The following DPP10 variants were observed in gnomAD, a reference collection of about 807,000 sequenced individuals.
DPP10 encodes the protein inactive dipeptidyl peptidase 10.
In DPP10, 33 loss-of-function variants were observed where a neutral mutation model predicts 120.9. The ratio of observed to expected loss-of-function variants is 0.27; its 90% confidence interval spans 0.21 to 0.37. DPP10 has a LOEUF of 0.37. DPP10 is among the 10% of genes least tolerant of loss of function. DPP10 has a pLI of 1.00. For synonymous variants in DPP10, 337 were observed against 326.1 expected, an observed-to-expected ratio of 1.03 and a Z score of -0.36; for missense variants, 816 against 942.8, an observed-to-expected ratio of 0.87 and a Z score of 1.76.
At chr2:115,117,452 T>C (rs2049575282) in intron 1 of DPP10, among the ~76,000 whole-genome samples, 1 of 149,922 alleles carries the variant, frequency 6.7e-6, no homozygotes, top group South Asian at 2.1e-4. Flanking sequence ...CTTCAAAATG[T>C]ATCTATTTAG....
chr2:114,874,927 G>T (rs1376885925), intron 1 of DPP10, among the ~76,000 whole-genome samples: 1 of 152,116 alleles, frequency 6.6e-6, no homozygotes, highest in Non-Finnish European at 1.5e-5. Flanking sequence ...CTAGAGAGAA[G>T]GCAAGTGGTT....
intron 1 of DPP10, among the ~76,000 whole-genome samples, chr2:114,930,379 C>T (rs4849358): frequency 0.16 from 24,898 of 152,168 alleles, 2,185 homozygotes; most frequent in Admixed American, 0.23. Context: ...AGCCATGTCA[C>T]TTCTTGAAGG....
chr2:115,195,288 ATGT>A (rs1315578918), intron 1 of DPP10, among the ~76,000 whole-genome samples: 1 of 152,084 alleles, frequency 6.6e-6, no homozygotes, highest in African/African-American at 2.4e-5. Context: ...TTAGGAGTAA[ATGT>A]TGTTTATGTT....
chr2:114,480,698 G>C (rs1425116100), intron 1 of DPP10, among the ~76,000 whole-genome samples: 6 of 130,064 alleles, frequency 4.6e-5, no homozygotes, highest in Non-Finnish European at 9.7e-5. Flanking sequence ...CACACACCGG[G>C]GACTGTTGTG....
chr2:114,651,171 T>G (rs544926412), intron 1 of DPP10, among the ~76,000 whole-genome samples: 1 of 152,146 alleles, frequency 6.6e-6, no homozygotes, highest in Non-Finnish European at 1.5e-5. Flanking sequence ...TCAGGAGTAA[T>G]AGGTTTTATT....
At chr2:115,628,649 G>T (rs1211253117) in intron 5 of DPP10, among the ~76,000 whole-genome samples, 2 of 151,718 alleles carry the variant, frequency 1.3e-5, no homozygotes, top group African/African-American at 2.4e-5. Flanking sequence ...TCACAGTTTT[G>T]GGCTATACCT....
intron 21 of DPP10, among the ~76,000 whole-genome samples, chr2:115,834,984 G>C (rs1284871101): frequency 6.6e-6 from 1 of 151,912 alleles, no homozygotes; most frequent in Non-Finnish European, 1.5e-5. Context: ...TGCTCGGGAG[G>C]CTGAGGCAGG....
chr2:114,498,861 G>A (rs765260858), intron 1 of DPP10, among the ~76,000 whole-genome samples: 1 of 152,182 alleles, frequency 6.6e-6, no homozygotes, highest in Non-Finnish European at 1.5e-5. Context: ...CCATGTCCAT[G>A]TAGCTATTCA....
At chr2:114,739,675 G>T (rs1677830974) in intron 1 of DPP10, among the ~76,000 whole-genome samples, 1 of 152,010 alleles carries the variant, frequency 6.6e-6, no homozygotes. Context: ...AAAAAAAAGA[G>T]AGAAAGATAT....
At chr2:114,940,229 G>A (rs967287837) in intron 1 of DPP10, among the ~76,000 whole-genome samples, 3 of 151,982 alleles carry the variant, frequency 2.0e-5, no homozygotes, top group Admixed American at 6.6e-5. Flanking sequence ...GCCTATAACT[G>A]TAACACTGTG....
intron 1 of DPP10, among the ~76,000 whole-genome samples, chr2:114,630,341 G>A (rs1006239004): frequency 6.6e-6 from 1 of 152,082 alleles, no homozygotes; most frequent in African/African-American, 2.4e-5. Flanking sequence ...AATATAGGCA[G>A]GGGTTTTTTA....
At chr2:115,827,388 C>CTG (rs1247679713) in intron 21 of DPP10, among the ~76,000 whole-genome samples, 7 of 101,788 alleles carry the variant, frequency 6.9e-5, no homozygotes, top group Middle Eastern at 6.7e-3. Context: ...AGGAGGGCAA[C>CTG]TGTGTGTGTG....
intron 1 of DPP10, among the ~76,000 whole-genome samples, chr2:115,002,488 G>A (rs542876246): frequency 6.6e-6 from 1 of 151,916 alleles, no homozygotes; most frequent in South Asian, 2.1e-4. Flanking sequence ...GAGTCCAAAA[G>A]CAATTGCAGC....
intron 1 of DPP10, among the ~76,000 whole-genome samples, chr2:114,972,855 G>C (rs1699486916): frequency 6.6e-6 from 1 of 152,118 alleles, no homozygotes; most frequent in South Asian, 2.1e-4. Flanking sequence ...CTCCATAACA[G>C]AAGAATAGAC....
intron 5 of DPP10, among the ~76,000 whole-genome samples, chr2:115,559,182 A>G (rs934472827): frequency 2.6e-5 from 4 of 152,160 alleles, no homozygotes; most frequent in Admixed American, 6.6e-5. Flanking sequence ...GAACACTATC[A>G]TTTTTGTGTC....
intron 1 of DPP10, among the ~76,000 whole-genome samples, chr2:114,651,546 T>C (rs747289819): frequency 5.9e-5 from 9 of 152,156 alleles, no homozygotes; most frequent in Non-Finnish European, 1.0e-4. Context: ...CAGTGATATT[T>C]AGGCTGCCAG....
intron 1 of DPP10, among the ~76,000 whole-genome samples, chr2:114,580,890 C>T (rs1297163459): frequency 6.6e-6 from 1 of 152,106 alleles, no homozygotes; most frequent in Non-Finnish European, 1.5e-5. Flanking sequence ...ACTGCCATCT[C>T]AGCTGGCCAT....
At chr2:115,281,088 T>A (rs1265238936) in intron 1 of DPP10, among the ~76,000 whole-genome samples, 1 of 152,192 alleles carries the variant, frequency 6.6e-6, no homozygotes, top group Non-Finnish European at 1.5e-5. Context: ...TTTGTCTGAT[T>A]GCTTCTAAAC....
intron 2 of DPP10, among the ~76,000 whole-genome samples, chr2:115,310,656 T>C (rs1049504472): frequency 6.6e-6 from 1 of 152,176 alleles, no homozygotes; most frequent in African/African-American, 2.4e-5. Flanking sequence ...GCCTCATTTG[T>C]ACATCTGCAG....
Sources: allele counts gnomAD v4.1 joint callset (sites outside exome capture counted in the v4.1 genomes callset), GRCh38; gene constraint gnomAD v4.1.1; transcripts MANE v1.5; gene names NCBI Gene and HGNC (gene_info 2026-07-23, HGNC 2026-07-21).